Variants in ZPBP observed in about 807,000 individuals in gnomAD.
The protein encoded by ZPBP is zona pellucida-binding protein 1.
In ZPBP, 26 loss-of-function variants were observed where a neutral mutation model predicts 44.8. The ratio of observed to expected loss-of-function variants is 0.58; its 90% CI spans 0.43 to 0.81. ZPBP has a LOEUF of 0.81. ZPBP is among the 30% of genes least tolerant of loss of function. ZPBP has a pLI of 0.00. For synonymous variants in ZPBP, 174 were observed against 153.2 expected (o/e 1.14, Z -1.00); for missense variants, 409 against 434.0 (o/e 0.94, Z 0.51).
chr7:50,087,733 T>C (rs1233818323), intron 2 of ZPBP, among the ~76,000 whole-genome samples: 2 of 151,972 alleles, frequency 1.3e-5, no homozygotes, highest in Non-Finnish European at 2.9e-5. Flanking sequence ...AATGTAACAC[T>C]TGCATACTGA....
intron 7 of ZPBP, among the ~76,000 whole-genome samples, chr7:49,944,954 G>A (rs183517518): frequency 1.9e-4 from 29 of 152,068 alleles, no homozygotes; most frequent in African/African-American, 7.0e-4. Context: ...CTAATTTGAA[G>A]TTTTTCTGCT....
intron 4 of ZPBP, among the ~76,000 whole-genome samples, chr7:50,033,678 G>GTTTATTTATTTA (rs56856262): frequency 0.046 from 6,830 of 148,742 alleles, 177 homozygotes; most frequent in Non-Finnish European, 0.062. Flanking sequence ...TCTTTCTACA[G>GTTTATTTATTTA]TTTATTTATT....
rs1794660382 is a variant in ZPBP at position 49,937,459 on chromosome 7, TTTA to T, written c.*66_*68del. On this transcript the variant is annotated 3_prime_UTR_variant, in exon 8 of 8. Transcript: ENST00000046087. ...AATATGATTAATTTTGGCATAATAA[TTTA>T]TTATGTTAATATTTCAAATATATAC... 2.6e-6 allele frequency: 3 copies of T among 1,168,976 alleles called. No homozygotes were observed. The highest frequency in any genetic ancestry group is 2.6e-5 in the South Asian group (2 of 78,146). 72.4% of individuals were successfully genotyped at this position (1,168,976 alleles called of 1,614,324 possible).
At position 50,031,253 on chromosome 7, in the gene ZPBP, C is replaced by A; in HGVS notation, c.545G>T (p.Cys182Phe). 1.2e-6 allele frequency: 2 copies of A among 1,612,254 alleles called. No individual in the cohort carries two copies. Residue 182 changes from cysteine to phenylalanine, a missense_variant, in exon 5 of 8, where the codon TGC becomes TTC. This residue lies in a region of ZPBP where 367 missense variants were observed against 363.1 expected (regional missense o/e 1.01). Transcript: ENST00000046087. ...AAAAGAAATATTATAAATGCTATTG[C>A]AGGGAGCTGCATGATATCGAGCTGT... ...QFTARYHAAP[C>F]NSIYNISFEK...
At chr7:49,895,587 A>G (rs1792345891) in intron 2 of ZPBP, among the ~76,000 whole-genome samples, 1 of 152,222 alleles carries the variant, frequency 6.6e-6, no homozygotes, top group Admixed American at 6.5e-5. Flanking sequence ...TTCAAAATTA[A>G]TCATTTTTAA....
intron 7 of ZPBP, chr7:49,943,138 C>G: frequency 3.1e-6 from 1 of 324,378 alleles, no homozygotes. Flanking sequence ...GTTACTCCAC[C>G]CTTTAGTAAC....
At chr7:49,957,728 C>T (rs910361779) in intron 7 of ZPBP, among the ~76,000 whole-genome samples, 1 of 152,150 alleles carries the variant, frequency 6.6e-6, no homozygotes, top group Non-Finnish European at 1.5e-5. Flanking sequence ...GGCAGAGAGC[C>T]TCTACTGTGG....
rs193019376 is a variant in ZPBP at position 50,079,956 on chromosome 7, C to G, written c.334+1818G>C. Among the ~76,000 whole-genome samples, 141 of 151,688 alleles carry G rather than the reference C, an allele frequency of 9.3e-4. 1 individual carries two copies. The highest frequency in any genetic ancestry group is 3.4e-3 in the African/African-American group (140 of 41,488). ...TAAACAATACTAAATTTTCAAGAAACAGAGAAAAAGAGAGACACCAAATAT... is the reference window on the plus strand; with the variant it reads ...TAAACAATACTAAATTTTCAAGAAAGAGAGAAAAAGAGAGACACCAAATAT... On this transcript the variant is annotated intron_variant, in intron 3 of 7. Transcript: ENST00000046087.
intron 2 of ZPBP, among the ~76,000 whole-genome samples, chr7:49,864,109 T>C (rs1253193011): frequency 2.0e-5 from 3 of 152,182 alleles, no homozygotes; most frequent in Non-Finnish European, 2.9e-5. Context: ...CTGTGATTGT[T>C]TGTCTGTTTT....
Position 50,093,207 on chromosome 7 carries a change from G to C in ZPBP, c.-13C>G. ...CGAAGGCCTCCATCCACACGCCGCC[G>C]TCGCCTGCCCACCGTCCGCGCGGAA... is the stretch of plus-strand genomic sequence containing the variant. On this transcript the variant is annotated 5_prime_UTR_variant, in exon 1 of 8. Coordinates refer to ENST00000046087, the MANE Select transcript of ZPBP (RefSeq NM_007009.3). 1 of 1,512,926 alleles carries C rather than the reference G, an allele frequency of 6.6e-7. No homozygotes were observed. The highest frequency in any genetic ancestry group is 8.8e-7 in the Non-Finnish European group (1 of 1,133,580). 93.7% of individuals were successfully genotyped at this position (1,512,926 alleles called of 1,614,324 possible).
chr7:49,917,691 A>G (rs1793796871), intron 1 of ZPBP: 1 of 152,248 alleles, frequency 6.6e-6, no homozygotes, highest in South Asian at 2.1e-4. Flanking sequence ...TTTATTTGGT[A>G]TCTAATTATA....
intron 4 of ZPBP, among the ~76,000 whole-genome samples, chr7:50,044,248 A>G (rs967453271): frequency 6.6e-6 from 1 of 152,202 alleles, no homozygotes. Context: ...CATCACAATT[A>G]AAAGAACTAG....
At chr7:50,060,079 A>G (rs533499527) in intron 3 of ZPBP, among the ~76,000 whole-genome samples, 10 of 152,318 alleles carry the variant, frequency 6.6e-5, no homozygotes, top group African/African-American at 2.4e-4. Flanking sequence ...CCTTGCCCTG[A>G]GTGGCTTCTG....
chr7:49,880,556 AT>A (rs528625455), intron 2 of ZPBP, among the ~76,000 whole-genome samples: 5 of 150,926 alleles, frequency 3.3e-5, no homozygotes, highest in African/African-American at 1.2e-4. Context: ...ATAAATTGTG[AT>A]TTTTTATCAT....
intron 6 of ZPBP, among the ~76,000 whole-genome samples, chr7:49,999,643 A>G (rs570846301): frequency 6.5e-4 from 99 of 152,292 alleles, no homozygotes; most frequent in African/African-American, 2.3e-3. Context: ...AAGAATCAGG[A>G]GCACTAATGT....
chr7:49,941,061 C>G (rs1179938896), intron 7 of ZPBP, among the ~76,000 whole-genome samples: 1 of 152,106 alleles, frequency 6.6e-6, no homozygotes, highest in Non-Finnish European at 1.5e-5. Context: ...TTCCACATCA[C>G]TAAGCGTAAG....
chr7:49,981,690 TA>T, intron 7 of ZPBP, among the ~76,000 whole-genome samples: 1 of 41,770 alleles, frequency 2.4e-5, no homozygotes, highest in East Asian at 8.8e-4. Context: ...TATAATAATA[TA>T]TATAATTATA....
At chr7:49,979,839 AT>A (rs1298004749) in intron 7 of ZPBP, among the ~76,000 whole-genome samples, 14 of 93,716 alleles carry the variant, frequency 1.5e-4, no homozygotes, top group Non-Finnish European at 2.8e-4. Context: ...ATATATATAT[AT>A]ATATATAAAA....
chr7:49,970,530 A>G (rs1796259585), intron 7 of ZPBP, among the ~76,000 whole-genome samples: 1 of 135,174 alleles, frequency 7.4e-6, no homozygotes, highest in African/African-American at 2.9e-5. Flanking sequence ...GGGCACATGA[A>G]ACAATCTTCA....
Sources: gnomAD v4.1 joint callset for allele counts (sites outside exome capture counted in the v4.1 genomes callset) on GRCh38, gnomAD v4.1.1 for gene constraint, gnomAD v4.1.1 regional missense constraint, MANE v1.5 for transcripts, NCBI Gene and HGNC (gene_info 2026-07-23, HGNC 2026-07-21) for gene names.